Variants in MINDY3 observed in about 807,000 individuals in gnomAD.
MINDY3 encodes ubiquitin carboxyl-terminal hydrolase MINDY-3.
Under a neutral mutation model 69.2 loss-of-function variants are expected in MINDY3, and 38 were observed. That is an observed-to-expected ratio of 0.55 (90% CI 0.42 to 0.72). The LOEUF is 0.72. Ranked by LOEUF, MINDY3 falls within the 30% of genes least tolerant of loss-of-function variation. The pLI is 0.00. For synonymous variants in MINDY3, 192 were observed against 180.1 expected, an observed-to-expected ratio of 1.07 and a Z score of -0.53; for missense variants, 522 against 519.0, an observed-to-expected ratio of 1.01 and a Z score of -0.06.
intron 10 of MINDY3, among the ~76,000 whole-genome samples, chr10:15,808,902 C>G (rs2131944107): frequency 6.6e-6 from 1 of 152,192 alleles, no homozygotes; most frequent in Middle Eastern, 3.4e-3. Flanking sequence ...AGGCAGGGTC[C>G]AACTATTTTT....
At chr10:15,803,671 G>C (rs1838420678) in intron 10 of MINDY3, among the ~76,000 whole-genome samples, 1 of 152,060 alleles carries the variant, frequency 6.6e-6, no homozygotes, top group African/African-American at 2.4e-5. Flanking sequence ...ATAGATGGTA[G>C]AGAAAAACCC....
At chr10:15,853,706 A>T (rs1834475430) in intron 1 of MINDY3, among the ~76,000 whole-genome samples, 1 of 151,678 alleles carries the variant, frequency 6.6e-6, no homozygotes, top group African/African-American at 2.4e-5. Flanking sequence ...TATATGTGTA[A>T]TTTTTTTAAC....
intron 6 of MINDY3, among the ~76,000 whole-genome samples, chr10:15,836,937 G>T (rs777404704): frequency 1.3e-5 from 2 of 151,812 alleles, no homozygotes; most frequent in Non-Finnish European, 2.9e-5. Flanking sequence ...TACACGGAAG[G>T]ATCAAAGGAA....
At chr10:15,849,720 CA>C (rs2132125906) in intron 1 of MINDY3, among the ~76,000 whole-genome samples, 1 of 152,170 alleles carries the variant, frequency 6.6e-6, no homozygotes, top group South Asian at 2.1e-4. Context: ...GAGAGGGTGC[CA>C]TTCCATCCCA....
chr10:15,852,454 T>C (rs967537585), intron 1 of MINDY3, among the ~76,000 whole-genome samples: 4 of 152,066 alleles, frequency 2.6e-5, no homozygotes, highest in African/African-American at 9.7e-5. Context: ...TTAAAGTGAA[T>C]GAGAACTTGT....
Position 15,841,731 on chromosome 10 carries a change from T to C in MINDY3, c.236-132A>G. On this transcript the variant is annotated intron_variant, in intron 3 of 14. Coordinates refer to ENST00000277632, the MANE Select transcript of MINDY3 (RefSeq NM_024948.4). Reference sequence around the variant, plus strand: ...TAAAAATGGGGGAAAAATCTCTAAATAGATTTTAAATTATGTCTTAGAAAA... The same window carrying C: ...TAAAAATGGGGGAAAAATCTCTAAACAGATTTTAAATTATGTCTTAGAAAA... The C allele has an allele frequency of 9.5e-6, 5 of 528,558 alleles. No individual in the cohort carries two copies. The South Asian group carries it at 1.1e-4, about 11-fold the overall frequency. The allele number at this position is 528,558 out of a possible 1,614,324, so 32.7% of individuals were successfully genotyped here.
chr10:15,811,388 C>T (rs1356096579), intron 10 of MINDY3, among the ~76,000 whole-genome samples: 1 of 151,986 alleles, frequency 6.6e-6, no homozygotes, highest in African/African-American at 2.4e-5. Flanking sequence ...AATTTACTTA[C>T]AAAATTTAGA....
intron 11 of MINDY3, among the ~76,000 whole-genome samples, chr10:15,793,144 T>G (rs1837547281): frequency 6.6e-6 from 1 of 152,112 alleles, no homozygotes; most frequent in African/African-American, 2.4e-5. Context: ...ATAAAACATG[T>G]ACCTGAATAC....
chr10:15,814,978 C>T lies in MINDY3; in HGVS notation c.882+1857G>A, dbSNP rs1167932529. Among the ~76,000 whole-genome samples, 3 of 152,274 alleles carry T rather than the reference C, an allele frequency of 2.0e-5. No individual in the cohort carries two copies. The East Asian group carries it at 5.8e-4, about 29-fold the overall frequency. Reference sequence around the variant, plus strand: ...TCTGACAACAAAATCATTTCTTAAACATCAATTATAAAATTTAAGATTTAA... The same window carrying T: ...TCTGACAACAAAATCATTTCTTAAATATCAATTATAAAATTTAAGATTTAA... On this transcript the variant is annotated intron_variant, in intron 10 of 14. Transcript: ENST00000277632.
rs747987545 is a variant in MINDY3, at chr10:15,782,182, T to G, written c.1161A>C (p.Gly387=). The change falls in exon 14 of 15, where the codon GGA becomes GGC. Residue 387 remains glycine, a synonymous_variant. Coordinates refer to ENST00000277632, the MANE Select transcript of MINDY3 (RefSeq NM_024948.4). ...TTTCATTATAATTTGACTGCTTCAA[T>G]CCATTGTAGTGGTAGACAGTAAAAG... ...PESFTVYHYN[G]LKQSNYNEKV... is the part of the protein sequence containing the mutation. 7.4e-6 allele frequency: 12 copies of G among 1,611,240 alleles called. No homozygotes were observed. The highest frequency in any genetic ancestry group is 1.0e-5 in the Non-Finnish European group (12 of 1,178,222).
intron 9 of MINDY3, 197 bp from the exon 10 acceptor site, chr10:15,817,112 T>G: frequency 3.9e-6 from 2 of 518,700 alleles, no homozygotes; most frequent in Non-Finnish European, 6.7e-6. Flanking sequence ...AGTACTGAGC[T>G]TATATTGTGC....
rs183403639 is a variant in MINDY3 at position 15,830,176 on chromosome 10, T to C, written c.730+3454A>G. ...TGCCCTCAAGTGTTTCAATTTTCTA[T>C]AAAGGGCAGTTACAACTACTGATGA... On this transcript the variant is annotated intron_variant, in intron 8 of 14. Coordinates refer to ENST00000277632, the MANE Select transcript of MINDY3 (RefSeq NM_024948.4). 8.5e-5 allele frequency among the ~76,000 whole-genome samples: 13 copies of C among 152,350 alleles called. No homozygotes were observed. In the East Asian group the frequency reaches 2.3e-3, roughly 27 times the overall value.
intron 10 of MINDY3, among the ~76,000 whole-genome samples, chr10:15,802,811 A>C (rs899100748): frequency 4.3e-4 from 62 of 145,114 alleles, no homozygotes; most frequent in African/African-American, 1.5e-3. Context: ...CTTGAACAAT[A>C]AAAAAAAAAA....
At chr10:15,848,633 C>CAAAA (rs10719399) in intron 1 of MINDY3, among the ~76,000 whole-genome samples, 550 of 48,778 alleles carry the variant, frequency 0.011, 14 homozygotes, top group South Asian at 0.019. Flanking sequence ...GACTTCATCT[C>CAAAA]AAAAAAAAAA....
chr10:15,800,682 G>C (rs1324915669), intron 10 of MINDY3, among the ~76,000 whole-genome samples: 1 of 152,134 alleles, frequency 6.6e-6, no homozygotes, highest in African/African-American at 2.4e-5. Flanking sequence ...AGAAAAAGTG[G>C]AATTGCTTGA....
intron 6 of MINDY3, 23 bp from the exon 7 acceptor site, chr10:15,834,639 C>T (rs1363458587): frequency 1.9e-6 from 3 of 1,556,780 alleles, no homozygotes; most frequent in Non-Finnish European, 2.7e-6. Flanking sequence ...AATTCATTGA[C>T]TTATTTTAAA....
chr10:15,850,017 T>C (rs115295768), intron 1 of MINDY3, among the ~76,000 whole-genome samples: 3,192 of 152,288 alleles, frequency 0.021, 86 homozygotes, highest in African/African-American at 0.069. Context: ...GACAGAAGAA[T>C]ATAAATCGTG....
chr10:15,792,736 C>A (rs550763163), intron 11 of MINDY3, among the ~76,000 whole-genome samples: 1 of 152,020 alleles, frequency 6.6e-6, no homozygotes, highest in Non-Finnish European at 1.5e-5. Context: ...AATGGTGTTG[C>A]TTCCTGACAT....
Position 15,860,132 on chromosome 10 carries a change from G to A in MINDY3, c.94+74C>T, listed in dbSNP as rs574965887. 1.1e-4 allele frequency: 123 copies of A among 1,120,416 alleles called. No individual in the cohort carries two copies. The East Asian group carries it at 1.4e-3, about 13-fold the overall frequency. 69.4% of individuals were successfully genotyped at this position (1,120,416 alleles called of 1,614,324 possible). ...AGCGGGGCACGCGAGGGGCTGGAGC[G>A]AGAGGCGTCACAGGCGGACTCTCGC... On this transcript the variant is annotated intron_variant, in intron 1 of 14. Coordinates refer to ENST00000277632, the MANE Select transcript of MINDY3 (RefSeq NM_024948.4).
Sources: gnomAD v4.1 joint callset for allele counts (sites outside exome capture counted in the v4.1 genomes callset) on GRCh38, gnomAD v4.1.1 for gene constraint, MANE v1.5 for transcripts, NCBI Gene and HGNC (gene_info 2026-07-23, HGNC 2026-07-21) for gene names.